NELL1: variants seen among roughly 807,000 people sequenced by gnomAD.
NELL1 encodes the protein protein kinase C-binding protein NELL1.
A neutral mutation model predicts 107.4 loss-of-function variants in NELL1; 76 were observed. That is an observed-to-expected ratio of 0.71 (90% CI 0.59 to 0.86). The LOEUF (loss-of-function observed/expected upper bound fraction) is 0.86, where lower values mean the gene tolerates loss of function less well. Ranked by LOEUF, NELL1 falls within the 40% of genes least tolerant of loss-of-function variation. NELL1 has a pLI of 0.00. For synonymous variants in NELL1, 353 were observed against 341.2 expected, an observed-to-expected ratio of 1.03 and a Z score of -0.38; for missense variants, 1,024 against 1,005.5, an observed-to-expected ratio of 1.02 and a Z score of -0.25.
chr11:20,722,475 C>T (rs931541152), intron 2 of NELL1, among the ~76,000 whole-genome samples: 1 of 152,120 alleles, frequency 6.6e-6, no homozygotes, highest in Non-Finnish European at 1.5e-5. Context: ...TGAGATAATA[C>T]TAGTACACAT....
intron 2 of NELL1, among the ~76,000 whole-genome samples, chr11:20,706,590 C>T (rs1198725964): frequency 6.6e-6 from 1 of 151,610 alleles, no homozygotes; most frequent in Non-Finnish European, 1.5e-5. Context: ...TTAGTGGGTG[C>T]AGCACACCAA....
At chr11:21,235,958 G>T in intron 14 of NELL1, among the ~76,000 whole-genome samples, 1 of 152,056 alleles carries the variant, frequency 6.6e-6, no homozygotes, top group Non-Finnish European at 1.5e-5. Context: ...AGTCCCATAT[G>T]AATAGTTTGA....
At chr11:20,705,971 G>T (rs148765707) in intron 2 of NELL1, among the ~76,000 whole-genome samples, 1 of 151,898 alleles carries the variant, frequency 6.6e-6, no homozygotes, top group Non-Finnish European at 1.5e-5. Flanking sequence ...ATGAGATACC[G>T]TCTCACACCA....
Position 21,191,986 on chromosome 11 carries a change from T to A in NELL1, c.1427-37346T>A, listed in dbSNP as rs562858920. 3.9e-5 allele frequency among the ~76,000 whole-genome samples: 6 copies of A among 152,026 alleles called. No individual in the cohort carries two copies. In the East Asian group the frequency reaches 1.2e-3, roughly 29 times the overall value. On this transcript the variant is annotated intron_variant, in intron 13 of 19. Coordinates refer to ENST00000357134, the MANE Select transcript of NELL1 (RefSeq NM_006157.5). ...AAAATTCAACACTTGAGTCATCAGC[T>A]GATTGTAGAAAAATAGTGTTGGGGT...
intron 15 of NELL1, among the ~76,000 whole-genome samples, chr11:21,425,038 A>G (rs1375583213): frequency 6.6e-6 from 1 of 152,208 alleles, no homozygotes; most frequent in African/African-American, 2.4e-5. Context: ...CCTCAAAAAA[A>G]TACTAGCAAA....
rs144555978 is a variant in NELL1, at chr11:20,885,515, G to A, written c.578G>A (p.Arg193His). Reference sequence around the variant, plus strand: ...GGAATCAATTTATGGCTTGGCCAGCGCAACCAAAAGCATGGCTTATTCAAA... The same window carrying A: ...GGAATCAATTTATGGCTTGGCCAGCACAACCAAAAGCATGGCTTATTCAAA... The part of the protein sequence containing the change: ...PPGINLWLGQ[R>H]NQKHGLFKGI... Residue 193 changes from arginine to histidine, a missense_variant, in exon 5 of 20, where the codon CGC (arginine) becomes CAC (histidine). By Grantham distance (29) the Arg-to-His change is conservative. Coordinates refer to ENST00000357134, the MANE Select transcript of NELL1 (RefSeq NM_006157.5). The A allele has an allele frequency of 1.8e-3, 2,942 of 1,610,428 alleles. 6 individuals carry two copies. The highest frequency in any genetic ancestry group is 2.0e-3 in the Non-Finnish European group (2,403 of 1,176,756).
At chr11:20,871,322 T>G (rs895740549) in intron 4 of NELL1, among the ~76,000 whole-genome samples, 1 of 152,156 alleles carries the variant, frequency 6.6e-6, no homozygotes, top group African/African-American at 2.4e-5. Context: ...CTGGGACACA[T>G]GGAGAATATT....
intron 15 of NELL1, among the ~76,000 whole-genome samples, chr11:21,531,750 CTTGT>C (rs1855995349): frequency 6.6e-6 from 1 of 152,142 alleles, no homozygotes; most frequent in African/African-American, 2.4e-5. Flanking sequence ...GAGCTTCTGT[CTTGT>C]TTGTTTGCCT....
At chr11:21,017,198 G>C (rs1852585408) in intron 12 of NELL1, among the ~76,000 whole-genome samples, 1 of 152,118 alleles carries the variant, frequency 6.6e-6, no homozygotes, top group Non-Finnish European at 1.5e-5. Flanking sequence ...GGCAGGAAAG[G>C]AGGAGCCACC....
intron 4 of NELL1, among the ~76,000 whole-genome samples, chr11:20,872,171 AT>A (rs549212186): frequency 0.56 from 57,526 of 103,588 alleles, 16,976 homozygotes; most frequent in East Asian, 0.71. Flanking sequence ...TCTATCAGAG[AT>A]TTTTTTTTTT....
chr11:20,773,438 A>G (rs569407061), intron 2 of NELL1: 9 of 152,298 alleles, frequency 5.9e-5, no homozygotes, highest in African/African-American at 2.2e-4. Flanking sequence ...AAGCTGAGGC[A>G]CAGAGAGATT....
At chr11:21,442,463 A>G (rs1488831438) in intron 15 of NELL1, among the ~76,000 whole-genome samples, 1 of 152,192 alleles carries the variant, frequency 6.6e-6, no homozygotes, top group East Asian at 1.9e-4. Context: ...GATCTAAAGG[A>G]TAGGTCAGCA....
chr11:21,557,762 C>T (rs933491280), intron 16 of NELL1, among the ~76,000 whole-genome samples: 8 of 151,946 alleles, frequency 5.3e-5, no homozygotes, highest in Non-Finnish European at 4.4e-5. Context: ...TGTGATTATG[C>T]CTTATGCTTG....
At chr11:21,517,697 A>G (rs557009657) in intron 15 of NELL1, among the ~76,000 whole-genome samples, 105 of 152,274 alleles carry the variant, frequency 6.9e-4, no homozygotes, top group African/African-American at 2.3e-3. Flanking sequence ...TTGTTTTTCC[A>G]TGGGCACTAA....
At chr11:21,210,325 C>G (rs1857472274) in intron 13 of NELL1, among the ~76,000 whole-genome samples, 1 of 152,086 alleles carries the variant, frequency 6.6e-6, no homozygotes, top group Admixed American at 6.6e-5. Context: ...TCCATAGAGA[C>G]AGAAATATTT....
chr11:21,220,611 A>G (rs544134732), intron 13 of NELL1, among the ~76,000 whole-genome samples: 3 of 151,802 alleles, frequency 2.0e-5, no homozygotes, highest in African/African-American at 7.2e-5. Context: ...ATTTATTCCT[A>G]GGTGTTTTTT....
intron 4 of NELL1, among the ~76,000 whole-genome samples, chr11:20,860,462 A>G (rs1420860778): frequency 6.6e-6 from 1 of 152,164 alleles, no homozygotes; most frequent in African/African-American, 2.4e-5. Flanking sequence ...CGATGGCTTC[A>G]TTAGTGAATT....
At chr11:20,780,107 C>T (rs1236802445) in intron 2 of NELL1, among the ~76,000 whole-genome samples, 1 of 152,184 alleles carries the variant, frequency 6.6e-6, no homozygotes, top group East Asian at 1.9e-4. Flanking sequence ...TTACATTTCA[C>T]TCTAGTGAGT....
chr11:21,310,959 C>G (rs956793138), intron 14 of NELL1, among the ~76,000 whole-genome samples: 1 of 152,058 alleles, frequency 6.6e-6, no homozygotes, highest in African/African-American at 2.4e-5. Flanking sequence ...ACTGAGCTTT[C>G]TTTTCAAGCT....
Sources: allele counts gnomAD v4.1 joint callset (sites outside exome capture counted in the v4.1 genomes callset), GRCh38; gene constraint gnomAD v4.1.1; transcripts MANE v1.5; gene names NCBI Gene and HGNC (gene_info 2026-07-23, HGNC 2026-07-21).